Variants in FAF1 observed in about 807,000 individuals in gnomAD.
FAF1 encodes the protein FAS-associated factor 1.
In FAF1, 25 loss-of-function variants were observed where a neutral mutation model predicts 92.5. That is an observed-to-expected ratio of 0.27 (90% CI 0.20 to 0.38). FAF1 has a LOEUF of 0.38. Among genes scored for constraint, FAF1 ranks in the 10% least tolerant of loss-of-function variants. The pLI, the probability that FAF1 is intolerant of heterozygous loss-of-function variation, is 1.00. For missense variants in FAF1, 636 were observed against 793.3 expected (o/e 0.80, Z 2.38); for synonymous variants, 234 against 273.2 (o/e 0.86, Z 1.42).
intron 4 of FAF1, among the ~76,000 whole-genome samples, chr1:50,763,817 A>C (rs115719045): frequency 0.013 from 1,983 of 152,318 alleles, 43 homozygotes; most frequent in African/African-American, 0.044. Context: ...AGAACATTAA[A>C]ATTTCATTGA....
intron 2 of FAF1, among the ~76,000 whole-genome samples, chr1:50,825,455 C>A (rs1046353614): frequency 6.6e-6 from 1 of 151,846 alleles, no homozygotes. Context: ...AGGTCTTTTT[C>A]ATAATGATAA....
chr1:50,935,674 T>C lies in FAF1; in HGVS notation c.45+24093A>G, dbSNP rs568339777. Among the ~76,000 whole-genome samples the C allele has an allele frequency of 2.6e-5, 4 of 151,900 alleles. No individual in the cohort carries two copies. In the East Asian group the frequency reaches 7.7e-4, roughly 29 times the overall value. ...TTTTACTAGAGATGGGGTTTCACCA[T>C]GTTGGCCAGGCTGACTCGAACTCCT... is the stretch of plus-strand genomic sequence containing the variant. On this transcript the variant is annotated intron_variant, in intron 1 of 18. Coordinates refer to ENST00000396153, the MANE Select transcript of FAF1 (RefSeq NM_007051.3).
rs372318085 is a variant in FAF1, at chr1:50,951,410, A to C, written c.45+8357T>G. 1.8e-4 allele frequency among the ~76,000 whole-genome samples: 28 copies of C among 152,334 alleles called. No homozygotes were observed. The South Asian group carries it at 4.6e-3, about 25-fold the overall frequency. ...TTAAAACTGTCAAAAATAACAGCTA[A>C]AATTTATTGAACACTTTCTATGTCA... is the stretch of plus-strand genomic sequence containing the variant. On this transcript the variant is annotated intron_variant, in intron 1 of 18. Transcript: ENST00000396153.
chr1:50,535,973 C>T (rs1269905745), intron 14 of FAF1, among the ~76,000 whole-genome samples: 1 of 152,138 alleles, frequency 6.6e-6, no homozygotes, highest in African/African-American at 2.4e-5. Context: ...GTGGTGAGGC[C>T]AGAATCTGAA....
intron 8 of FAF1, among the ~76,000 whole-genome samples, chr1:50,602,250 T>A (rs894978566): frequency 1.3e-5 from 2 of 152,204 alleles, no homozygotes; most frequent in African/African-American, 2.4e-5. Flanking sequence ...AGACATTTTT[T>A]AAAAACCATA....
intron 2 of FAF1, among the ~76,000 whole-genome samples, chr1:50,832,186 C>T (rs1301984628): frequency 6.6e-6 from 1 of 152,126 alleles, no homozygotes; most frequent in East Asian, 1.9e-4. Context: ...GAGCTTGAAT[C>T]ATCCCAAAAC....
At chr1:50,784,596 A>C (rs1006538532) in intron 4 of FAF1, among the ~76,000 whole-genome samples, 4 of 152,242 alleles carry the variant, frequency 2.6e-5, no homozygotes, top group Admixed American at 2.0e-4. Flanking sequence ...AACATTGTTA[A>C]AATGTCCATA....
At chr1:50,535,035 A>C (rs536179164) in intron 15 of FAF1, among the ~76,000 whole-genome samples, 1 of 152,334 alleles carries the variant, frequency 6.6e-6, no homozygotes, top group African/African-American at 2.4e-5. Flanking sequence ...AAACTGAGTG[A>C]TAAAATCCAT....
At chr1:50,503,888 C>T (rs1325970676) in intron 15 of FAF1, among the ~76,000 whole-genome samples, 1 of 152,096 alleles carries the variant, frequency 6.6e-6, no homozygotes, top group South Asian at 2.1e-4. Context: ...GCTTGACAGA[C>T]AGAGACAGCA....
intron 1 of FAF1, among the ~76,000 whole-genome samples, chr1:50,955,859 T>A (rs534456148): frequency 6.6e-6 from 1 of 152,330 alleles, no homozygotes; most frequent in African/African-American, 2.4e-5. Context: ...TTGGGCACAT[T>A]ATGCTAAGTG....
At chr1:50,559,589 G>T (rs1649771658) in intron 13 of FAF1, among the ~76,000 whole-genome samples, 1 of 152,210 alleles carries the variant, frequency 6.6e-6, no homozygotes, top group South Asian at 2.1e-4. Flanking sequence ...TGTTTGCAGG[G>T]ACAATTGCTG....
At chr1:50,541,569 C>T (rs1278636) in intron 13 of FAF1, among the ~76,000 whole-genome samples, 151,451 of 152,246 alleles carry the variant, frequency 0.99, 75,336 homozygotes, top group Middle Eastern at 1. Flanking sequence ...ACCTCAAAAA[C>T]AAAAGATGTC....
At chr1:50,939,371 T>TTACTGGTGTATAGAAATGC (rs1180622084) in intron 1 of FAF1, among the ~76,000 whole-genome samples, 4 of 152,348 alleles carry the variant, frequency 2.6e-5, no homozygotes, top group Middle Eastern at 3.4e-3. Flanking sequence ...AGCCTGGGCG[T>TTACTGGTGTATAGAAATGC]TACTGGTGTA....
chr1:50,820,900 T>C (rs1015781958), intron 2 of FAF1, among the ~76,000 whole-genome samples: 6 of 152,194 alleles, frequency 3.9e-5, no homozygotes, highest in African/African-American at 9.7e-5. Context: ...CATTCATTCA[T>C]TGATGAACAT....
chr1:50,524,022 G>A (rs989595851), intron 15 of FAF1, among the ~76,000 whole-genome samples: 5 of 152,004 alleles, frequency 3.3e-5, no homozygotes, highest in South Asian at 2.1e-4. Flanking sequence ...GTGTGTAAGC[G>A]CTCTCTTTTC....
chr1:50,885,319 C>T (rs1216762475), intron 1 of FAF1, among the ~76,000 whole-genome samples: 1 of 144,102 alleles, frequency 6.9e-6, no homozygotes, highest in Non-Finnish European at 1.5e-5. Flanking sequence ...CTCTCACACA[C>T]ACACACTCTC....
intron 1 of FAF1, among the ~76,000 whole-genome samples, chr1:50,915,333 G>A (rs994228217): frequency 6.8e-6 from 1 of 147,600 alleles, no homozygotes; most frequent in Non-Finnish European, 1.5e-5. Flanking sequence ...TCACGCCATT[G>A]CACTCCAGCC....
rs115953838 is a variant in FAF1 at position 50,740,419 on chromosome 1, T to C, written c.460-1465A>G. 3.8e-3 allele frequency among the ~76,000 whole-genome samples: 582 copies of C among 152,300 alleles called. 4 individuals are homozygous for C. Among genetic ancestry groups the C allele is most frequent in the African/African-American group, 0.013 (557 of 41,576 alleles). ...AGCATGGAACATATGGAACTTATTCTTAACCCCTCCATGAGAGGACCCAGC... is the reference window on the plus strand; with the variant it reads ...AGCATGGAACATATGGAACTTATTCCTAACCCCTCCATGAGAGGACCCAGC... On this transcript the variant is annotated intron_variant, in intron 5 of 18. Coordinates refer to ENST00000396153, the MANE Select transcript of FAF1 (RefSeq NM_007051.3).
intron 7 of FAF1, 123 bp downstream of exon 7, chr1:50,705,663 T>C: frequency 1.8e-6 from 1 of 543,012 alleles, no homozygotes; most frequent in Non-Finnish European, 3.3e-6. Flanking sequence ...TTAATTAAAA[T>C]TTAAGAACCC....
Sources: gnomAD v4.1 joint callset for allele counts (sites outside exome capture counted in the v4.1 genomes callset) on GRCh38, gnomAD v4.1.1 for gene constraint, MANE v1.5 for transcripts, NCBI Gene and HGNC (gene_info 2026-07-23, HGNC 2026-07-21) for gene names.